Variants in NR1D2 observed in about 807,000 individuals in gnomAD.
NR1D2 encodes V-erbA-related protein 1-related.
In NR1D2, 25 loss-of-function variants were observed where a neutral mutation model predicts 52.2. The observed-to-expected ratio is 0.48, with a 90% confidence interval of 0.35 to 0.67. The LOEUF is 0.67. Among genes scored for constraint, NR1D2 ranks in the 30% least tolerant of loss-of-function variants. The pLI is 0.01. For synonymous variants in NR1D2, 259 were observed against 230.1 expected (o/e 1.13, Z -1.14); for missense variants, 681 against 707.2 (o/e 0.96, Z 0.42).
At chr3:23,969,971 A>G (rs1209839793) in intron 7 of NR1D2, among the ~76,000 whole-genome samples, 5 of 152,186 alleles carry the variant, frequency 3.3e-5, no homozygotes, top group Non-Finnish European at 7.3e-5. Flanking sequence ...TCAAGGAGGA[A>G]GGGGGACAAA....
intron 5 of NR1D2, 171 bp from the exon 6 acceptor site, chr3:23,964,806 T>A: frequency 2.0e-6 from 1 of 503,322 alleles, no homozygotes; most frequent in Non-Finnish European, 3.5e-6. Flanking sequence ...GCCAAGAGGC[T>A]TTCTACAGTA....
At chr3:23,951,516 T>C in intron 1 of NR1D2, among the ~76,000 whole-genome samples, 1 of 152,246 alleles carries the variant, frequency 6.6e-6, no homozygotes, top group Non-Finnish European at 1.5e-5. Context: ...GAATTTTTAA[T>C]GTGGACTTAA....
At chr3:23,948,780 TAC>T (rs1441268330) in intron 1 of NR1D2, among the ~76,000 whole-genome samples, 1 of 152,230 alleles carries the variant, frequency 6.6e-6, no homozygotes, top group Non-Finnish European at 1.5e-5. Flanking sequence ...AACTGTTAAC[TAC>T]TGTGCTATAA....
chr3:23,963,364 G>A (rs1262056525), intron 5 of NR1D2: 4 of 1,310,302 alleles, frequency 3.1e-6, no homozygotes, highest in East Asian at 4.8e-5. Context: ...TTTCAAAATA[G>A]TTGACTCTAC....
chr3:23,978,464 A>G lies in NR1D2; in HGVS notation c.*1045A>G, dbSNP rs1239854413. The G allele has an allele frequency of 6.8e-6, 1 of 147,978 alleles. No individual in the cohort carries two copies. The highest frequency in any genetic ancestry group is 1.5e-5 in the Non-Finnish European group (1 of 67,502). The allele number at this position is 147,978 out of a possible 1,614,324, so 9.2% of individuals were successfully genotyped here. A position where few individuals can be genotyped will look rare whatever the true frequency, so the allele number is the denominator to read the frequency against. The stretch of plus-strand genomic sequence containing the variant: ...ACTTAATGTAAAAGTGCAACAGGCA[A>G]TTGAATCCAAATTTCAACGACAAAA... On this transcript the variant is annotated 3_prime_UTR_variant, in exon 8 of 8. Transcript: ENST00000312521.
At chr3:23,945,947 C>G (rs1415135534) in intron 1 of NR1D2, among the ~76,000 whole-genome samples, 1 of 149,926 alleles carries the variant, frequency 6.7e-6, no homozygotes, top group East Asian at 2.0e-4. Context: ...GGCGCTGAGG[C>G]GGCGGCGGCG....
intron 1 of NR1D2, among the ~76,000 whole-genome samples, chr3:23,950,455 A>G (rs1486224993): frequency 2.6e-5 from 4 of 152,222 alleles, no homozygotes; most frequent in African/African-American, 9.7e-5. Context: ...TCCAGTAGGT[A>G]CTTGGTGACT....
intron 1 of NR1D2, among the ~76,000 whole-genome samples, chr3:23,951,197 G>A (rs1286284031): frequency 6.6e-6 from 1 of 152,192 alleles, no homozygotes; most frequent in Non-Finnish European, 1.5e-5. Context: ...GAGCCACTGT[G>A]CCCGGCCAGC....
intron 7 of NR1D2, among the ~76,000 whole-genome samples, chr3:23,970,411 C>G (rs922582413): frequency 2.0e-5 from 3 of 151,924 alleles, no homozygotes; most frequent in African/African-American, 7.3e-5. Flanking sequence ...TTTGAAAAAG[C>G]CTTTTTTCTG....
At chr3:23,964,763 T>A (rs796395280) in intron 5 of NR1D2, 7 of 412,304 alleles carry the variant, frequency 1.7e-5, no homozygotes, top group South Asian at 1.3e-4. Flanking sequence ...GGCTTTTTTT[T>A]AATGATAAGT....
intron 1 of NR1D2, chr3:23,946,051 T>G (rs928155845): frequency 6.9e-5 from 67 of 964,866 alleles, no homozygotes; most frequent in Non-Finnish European, 8.1e-5. Flanking sequence ...GCGCGCTGGC[T>G]GGGAGCGCCG....
chr3:23,951,096 G>A (rs1034273844), intron 1 of NR1D2, among the ~76,000 whole-genome samples: 1 of 151,848 alleles, frequency 6.6e-6, no homozygotes, highest in African/African-American at 2.4e-5. Context: ...GTAGAGATGG[G>A]GTTTCTCCAT....
intron 6 of NR1D2, among the ~76,000 whole-genome samples, chr3:23,965,762 C>T (rs867700069): frequency 2.2e-4 from 33 of 152,086 alleles, no homozygotes; most frequent in African/African-American, 7.2e-4. Flanking sequence ...TCTAGTATTG[C>T]TTTTAGATGT....
In NR1D2 at chr3:23,966,492, T is replaced by A. The variant is rs1270136835; in HGVS notation, c.1333-1321T>A. Among the ~76,000 whole-genome samples, 3 of 152,202 alleles carry A rather than the reference T, an allele frequency of 2.0e-5. No individual in the cohort carries two copies. In the East Asian group the frequency reaches 5.8e-4, roughly 29 times the overall value. On this transcript the variant is annotated intron_variant, in intron 6 of 7. Transcript: ENST00000312521. ...TTTCGAAGTGTTGCTGCATTGGAAT[T>A]TTGCTCTTTTTACTTAAGGCATAGA...
At chr3:23,975,954 G>T (rs1325078302) in intron 7 of NR1D2, among the ~76,000 whole-genome samples, 2 of 152,184 alleles carry the variant, frequency 1.3e-5, no homozygotes, top group Non-Finnish European at 2.9e-5. Context: ...TGAATGGCCA[G>T]AAGTTTTGAT....
chr3:23,946,963 C>A (rs986867563), intron 1 of NR1D2, among the ~76,000 whole-genome samples: 4 of 152,078 alleles, frequency 2.6e-5, no homozygotes, highest in Admixed American at 6.5e-5. Flanking sequence ...GTATTGTGAA[C>A]TTTTCACCAA....
chr3:23,964,852 A>G, intron 5 of NR1D2, 125 bp from the exon 6 acceptor site: 1 of 642,828 alleles, frequency 1.6e-6, no homozygotes, highest in East Asian at 2.7e-5. Context: ...CTAATATCTC[A>G]GTAGATTTTA....
intron 6 of NR1D2, among the ~76,000 whole-genome samples, 158 bp downstream of exon 6, chr3:23,965,320 A>G (rs1434505542): frequency 6.8e-6 from 1 of 146,944 alleles, no homozygotes; most frequent in Non-Finnish European, 1.5e-5. Flanking sequence ...GCTCACTGCA[A>G]CCTCTGCTTC....
intron 1 of NR1D2, 51 bp downstream of exon 1, chr3:23,945,645 G>A: frequency 5.0e-6 from 5 of 1,006,154 alleles, no homozygotes; most frequent in Non-Finnish European, 6.1e-6. Context: ...AGCGCTCAGA[G>A]CCCGCGGGGC....
Sources: gnomAD v4.1 joint callset for allele counts (sites outside exome capture counted in the v4.1 genomes callset) on GRCh38, gnomAD v4.1.1 for gene constraint, MANE v1.5 for transcripts, NCBI Gene and HGNC (gene_info 2026-07-23, HGNC 2026-07-21) for gene names.